The following THOC6 variants were observed in gnomAD, a reference collection of about 807,000 sequenced individuals.
THOC6 encodes THO complex 6.
In THOC6, 39 loss-of-function variants were observed where a neutral mutation model predicts 55.8. That is an observed-to-expected ratio of 0.70 (90% CI 0.54 to 0.91). The LOEUF (loss-of-function observed/expected upper bound fraction) is 0.91, where lower values mean the gene tolerates loss of function less well. Ranked by LOEUF, THOC6 falls within the 40% of genes least tolerant of loss-of-function variation. THOC6 has a pLI of 0.00. For missense variants in THOC6, 482 were observed against 442.0 expected (o/e 1.09, Z -0.81); for synonymous variants, 192 against 175.6 (o/e 1.09, Z -0.74).
chr16:3,024,211 C>T lies in THOC6; in HGVS notation c.-116C>T, dbSNP rs2072718092. 4 of 1,350,290 alleles carry T rather than the reference C, an allele frequency of 3.0e-6. No individual in the cohort carries two copies. The South Asian group carries it at 4.8e-5, about 16-fold the overall frequency. 83.6% of individuals were successfully genotyped at this position (1,350,290 alleles called of 1,614,324 possible). On this transcript the variant is annotated 5_prime_UTR_variant, in exon 1 of 13. Coordinates refer to ENST00000326266, the MANE Select transcript of THOC6 (RefSeq NM_024339.5). ...CTCCTAGGGTTCGGGACGGTACGCA[C>T]CAGCCACCTTCGCGCCGAAGGCGGT...
At position 3,024,130 on chromosome 16, in the gene THOC6, G is replaced by A; in HGVS notation, c.-197G>A. ...GTGGGGGAGGGTATCCGGCTTAAGG[G>A]GGCTGCGGTGGACACCACTTCTTAA... On this transcript the variant is annotated 5_prime_UTR_variant, in exon 1 of 13. Transcript: ENST00000326266. 1.4e-6 allele frequency: 1 copy of A among 719,162 alleles called. No individual in the cohort carries two copies. Among genetic ancestry groups the A allele is most frequent in the Non-Finnish European group, 2.3e-6 (1 of 433,514 alleles). The allele number at this position is 719,162 out of a possible 1,614,324, so 44.5% of individuals were successfully genotyped here. A position where few individuals can be genotyped will look rare whatever the true frequency, so the allele number is the denominator to read the frequency against.
In THOC6 at chr16:3,025,779, GTTTCTGGCGGCTGGCAACAA is replaced by G. The variant is rs757752744; in HGVS notation, c.114_133del (p.Phe38LeufsTer22). 6.2e-7 allele frequency: 1 copy of G among 1,614,238 alleles called. No homozygotes were observed. The highest frequency in any genetic ancestry group is 8.5e-7 in the Non-Finnish European group (1 of 1,180,044). Reference sequence around the variant, plus strand: ...CCCAGAGCGTCTCACCATGTGGGAAGTTTCTGGCGGCTGGCAACAATTACGGGCAGATTGCCATCTTCAGG... The same window carrying G: ...CCCAGAGCGTCTCACCATGTGGGAAGTTACGGGCAGATTGCCATCTTCAGG... On this transcript the variant is annotated frameshift_variant, in exon 2 of 13. Transcript: ENST00000326266. LOFTEE classifies it high-confidence loss of function.
chr16:3,025,797 C>T lies in THOC6; in HGVS notation c.129C>T (p.Asn43=), dbSNP rs950087986. 6.2e-7 allele frequency: 1 copy of T among 1,614,244 alleles called. No individual in the cohort carries two copies. Among genetic ancestry groups the T allele is most frequent in the Non-Finnish European group, 8.5e-7 (1 of 1,180,050 alleles). The stretch of plus-strand genomic sequence containing the variant: ...GTGGGAAGTTTCTGGCGGCTGGCAA[C>T]AATTACGGGCAGATTGCCATCTTCA... The part of the protein sequence containing the change: ...SPCGKFLAAG[N]NYGQIAIFSL... The change falls in exon 2 of 13, where the codon AAC becomes AAT. Residue 43 remains asparagine (N), a synonymous_variant. Transcript: ENST00000326266.
intron 1 of THOC6, 87 bp downstream of exon 1, chr16:3,024,452 C>T (rs536667443): frequency 8.9e-5 from 137 of 1,535,796 alleles, no homozygotes; most frequent in Non-Finnish European, 1.2e-4. Context: ...GTGCCCTGAG[C>T]CCTGTTTTGC....
chr16:3,026,302 C>T lies in THOC6; in HGVS notation c.362+14C>T, dbSNP rs775965748. On this transcript the variant is annotated intron_variant, in intron 5 of 12. Transcript: ENST00000326266. ...GCCTCCATACAGGTGAGCAGGGCCA[C>T]GTGGATAGAGGGTGCATCAGGGTGA... The T allele has an allele frequency of 9.3e-6, 15 of 1,613,864 alleles. No individual in the cohort carries two copies. In the South Asian group the frequency reaches 1.1e-4, roughly 12 times the overall value.
In THOC6 at chr16:3,027,300, T is replaced by C; in HGVS notation, c.810+20T>C. 1 of 1,614,192 alleles carries C rather than the reference T, an allele frequency of 6.2e-7. No individual in the cohort carries two copies. Among genetic ancestry groups the C allele is most frequent in the Non-Finnish European group, 8.5e-7 (1 of 1,180,040 alleles). On this transcript the variant is annotated intron_variant, in intron 11 of 12. Transcript: ENST00000326266. ...GACCTGGTGAGGCCCTGTGTCTCAC[T>C]TCTGCCACCCCCACTGACTCTTCCC...
At chr16:3,027,554 A>C (rs773121499) in intron 12 of THOC6, 23 bp from the exon 13 acceptor site, 1 of 1,613,318 alleles carries the variant, frequency 6.2e-7, no homozygotes, top group South Asian at 1.1e-5. Context: ...TGGGCAGGCC[A>C]GTCATGCCCC....
At position 3,026,775 on chromosome 16, in the gene THOC6, C is replaced by T. The variant is rs1394982063; in HGVS notation, c.580C>T (p.Leu194Phe). The change falls in exon 8 of 13, where the codon CTT becomes TTT. Residue 194 changes from leucine to phenylalanine, a missense_variant. By Grantham distance (22) the Leu-to-Phe change is conservative (BLOSUM62 0). Transcript: ENST00000326266. ...AGGTGGCGAGGATGGAGCTGTTCGACTTTGGGGTAAGCAGGTGGCTGGTTG... is the reference window on the plus strand; with the variant it reads ...AGGTGGCGAGGATGGAGCTGTTCGATTTTGGGGTAAGCAGGTGGCTGGTTG... ...LSGGEDGAVR[L>F]WDLRTAKEVQ... The T allele has an allele frequency of 1.9e-6, 3 of 1,613,728 alleles. No homozygotes were observed. The highest frequency in any genetic ancestry group is 2.5e-6 in the Non-Finnish European group (3 of 1,179,876).
At position 3,026,364 on chromosome 16, in the gene THOC6, G is replaced by C; in HGVS notation, c.363-1G>C. The C allele has an allele frequency of 6.2e-7, 1 of 1,614,060 alleles. No individual in the cohort carries two copies. The highest frequency in any genetic ancestry group is 8.5e-7 in the Non-Finnish European group (1 of 1,180,018). On this transcript the variant is annotated splice_acceptor_variant, in intron 5 of 12. Transcript: ENST00000326266. LOFTEE classifies it high-confidence loss of function. Reference sequence around the variant, plus strand: ...CACTGACCTTGCCTTTCCTTCCCCAGGACCAGCCTGGAAGTGCCTGAGATC... The same window carrying C: ...CACTGACCTTGCCTTTCCTTCCCCACGACCAGCCTGGAAGTGCCTGAGATC...
chr16:3,026,605 G>T lies in THOC6; in HGVS notation c.483+18G>T, dbSNP rs1395706929. The T allele has an allele frequency of 5.6e-6, 9 of 1,613,602 alleles. No individual in the cohort carries two copies. The highest frequency in any genetic ancestry group is 7.6e-6 in the Non-Finnish European group (9 of 1,179,826). On this transcript the variant is annotated intron_variant, in intron 7 of 12. Transcript: ENST00000326266. ...CTTTCACGGTGAGCAGGGTCCTGGA[G>T]CCCTAGAGCAGGTCTAGGTCAGGGA... is the stretch of plus-strand genomic sequence containing the variant.
At chr16:3,024,937 A>AT (rs35849212) in intron 1 of THOC6, among the ~76,000 whole-genome samples, 4,790 of 102,316 alleles carry the variant, frequency 0.047, 250 homozygotes, top group African/African-American at 0.12. Flanking sequence ...GCCCGGCCAA[A>AT]TTTTTTTTTT....
intron 1 of THOC6, 63 bp downstream of exon 1, chr16:3,024,428 G>A (rs2072729119): frequency 6.2e-6 from 10 of 1,601,300 alleles, no homozygotes; most frequent in South Asian, 1.1e-5. Flanking sequence ...CTGGGACGGG[G>A]CGGGCAGGGA....
chr16:3,027,703 CA>C lies in THOC6; in HGVS notation c.*47del, dbSNP rs780654588. ...CAGCTCAGGGTTTTAGAGTGTTTTTCATTTTCTTTTTTTTTTTTTTTTTACA... is the reference window on the plus strand; with the variant it reads ...CAGCTCAGGGTTTTAGAGTGTTTTTCTTTTCTTTTTTTTTTTTTTTTTACA... On this transcript the variant is annotated 3_prime_UTR_variant, in exon 13 of 13. Transcript: ENST00000326266. 4 of 1,306,496 alleles carry C rather than the reference CA, an allele frequency of 3.1e-6. No individual in the cohort carries two copies. The highest frequency in any genetic ancestry group is 2.1e-6 in the Non-Finnish European group (2 of 961,076). The allele number at this position is 1,306,496 out of a possible 1,614,324, so 80.9% of individuals were successfully genotyped here. A position where few individuals can be genotyped will look rare whatever the true frequency, so the allele number is the denominator to read the frequency against.
Position 3,025,760 on chromosome 16 carries a change from G to T in THOC6, c.92G>T (p.Ser31Ile). The T allele has an allele frequency of 6.2e-7, 1 of 1,614,246 alleles. No homozygotes were observed. ...CTCCATATGACCATCTTCTCCCAGA[G>T]CGTCTCACCATGTGGGAAGTTTCTG... ...QRLHMTIFSQ[S>I]VSPCGKFLAA... is the part of the protein sequence containing the mutation. The change falls in exon 2 of 13, where the codon AGC becomes ATC. Residue 31 changes from serine to isoleucine, a missense_variant. Ser to Ile is a moderately radical substitution (Grantham distance 142). Coordinates refer to ENST00000326266, the MANE Select transcript of THOC6 (RefSeq NM_024339.5).
At position 3,027,401 on chromosome 16, in the gene THOC6, G is replaced by C; in HGVS notation, c.846G>C (p.Gln282His). The change falls in exon 12 of 13, where the codon CAG (glutamine) becomes CAC (histidine). Residue 282 changes from glutamine (Q) to histidine (H), a missense_variant. Transcript: ENST00000326266. ...CTGGCCAGGGCCGCTGCGTCAACCA[G>C]TGGCAGCTGAGCGGGGAGCTGAAGG... Reference protein sequence around the residue: ...LSAGQGRCVNQWQLSGELKAQ... With the variant: ...LSAGQGRCVNHWQLSGELKAQ... The C allele has an allele frequency of 6.2e-7, 1 of 1,612,658 alleles. No homozygotes were observed. Among genetic ancestry groups the C allele is most frequent in the African/African-American group, 1.3e-5 (1 of 75,070 alleles).
Position 3,027,237 on chromosome 16 carries a change from C to T in THOC6, c.767C>T (p.Pro256Leu). 6.2e-7 allele frequency: 1 copy of T among 1,614,186 alleles called. No homozygotes were observed. The highest frequency in any genetic ancestry group is 1.3e-5 in the African/African-American group (1 of 75,062). The stretch of plus-strand genomic sequence containing the variant: ...TCCTCCACACCCACCACCATCTTCC[C>T]CATCCGGGCGCCACAGAAGCACGTC... ...LRSSTPTTIF[P>L]IRAPQKHVTF... Residue 256 changes from proline to leucine, a missense_variant, in exon 11 of 13, where the codon CCC becomes CTC. By Grantham distance (98) the Pro-to-Leu change is moderately conservative (BLOSUM62 -3). Coordinates refer to ENST00000326266, the MANE Select transcript of THOC6 (RefSeq NM_024339.5).
In THOC6 at chr16:3,025,969, G is replaced by A. The variant is rs1339468206; in HGVS notation, c.201G>A (p.Lys67=). 1 of 1,614,124 alleles carries A rather than the reference G, an allele frequency of 6.2e-7. No individual in the cohort carries two copies. Among genetic ancestry groups the A allele is most frequent in the South Asian group, 1.1e-5 (1 of 91,092 alleles). Reference sequence around the variant, plus strand: ...CAGAAGCCAAAGAGGAAAGTAAGAAGCCGGTGGTGACTTTCCAAGGTGGGT... The same window carrying A: ...CAGAAGCCAAAGAGGAAAGTAAGAAACCGGTGGTGACTTTCCAAGGTGGGT... ...LSSEAKEESK[K]PVVTFQAHDG... is the part of the protein sequence containing the mutation. The change falls in exon 3 of 13, where the codon AAG becomes AAA. Residue 67 remains lysine (K), a synonymous_variant. Transcript: ENST00000326266.
In THOC6 at chr16:3,026,521, T is replaced by G; in HGVS notation, c.417T>G (p.Asn139Lys). The G allele has an allele frequency of 1.9e-6, 3 of 1,614,128 alleles. No individual in the cohort carries two copies. The highest frequency in any genetic ancestry group is 2.5e-6 in the Non-Finnish European group (3 of 1,180,004). ...INALLLVPKENSLILAGGDCQ... is the reference protein window; with the variant it reads ...INALLLVPKEKSLILAGGDCQ... ...CTCATCCTGCTCCTCCACAGGAGAA[T>G]TCCCTCATCCTGGCTGGGGGAGACT... The change falls in exon 7 of 13, where the codon AAT (asparagine) becomes AAG (lysine). Residue 139 changes from asparagine (N) to lysine (K), a missense_variant. Transcript: ENST00000326266.
intron 12 of THOC6, 28 bp from the exon 13 acceptor site, chr16:3,027,549 A>C (rs2072831810): frequency 2.5e-6 from 4 of 1,612,892 alleles, no homozygotes; most frequent in Non-Finnish European, 3.4e-6. Context: ...GGGTGTGGGC[A>C]GGCCAGTCAT....
Sources: gnomAD v4.1 joint callset for allele counts (sites outside exome capture counted in the v4.1 genomes callset) on GRCh38, gnomAD v4.1.1 for gene constraint, MANE v1.5 for transcripts, NCBI Gene and HGNC (gene_info 2026-07-23, HGNC 2026-07-21) for gene names.